The following GRID2IP variants were observed in gnomAD, a reference collection of about 807,000 sequenced individuals.
GRID2IP encodes the protein Grid2 interacting protein, also known as delphilin.
Under a neutral mutation model 114.3 loss-of-function variants are expected in GRID2IP, and 78 were observed. That is an observed-to-expected ratio of 0.68 (90% CI 0.57 to 0.82). GRID2IP has a LOEUF of 0.82. GRID2IP is among the 40% of genes least tolerant of loss of function. The pLI, the probability that GRID2IP is intolerant of heterozygous loss-of-function variation, is 0.00. For synonymous variants in GRID2IP, 809 were observed against 724.0 expected, an observed-to-expected ratio of 1.12 and a Z score of -1.89; for missense variants, 1,727 against 1,678.5, an observed-to-expected ratio of 1.03 and a Z score of -0.51.
chr7:6,526,327 G>C lies in GRID2IP; in HGVS notation c.834-18C>G, dbSNP rs774592354. Reference sequence around the variant, plus strand: ...GGACAGTCCTGGGGGAAAAAGAAGGGGCGAGCAGCATGATGGAGAGGGGGC... The same window carrying C: ...GGACAGTCCTGGGGGAAAAAGAAGGCGCGAGCAGCATGATGGAGAGGGGGC... On this transcript the variant is annotated intron_variant, in intron 3 of 21. Coordinates refer to ENST00000457091, the MANE Select transcript of GRID2IP (RefSeq NM_001145118.2). The surrounding 1 kb of genome is among the most constrained non-coding windows in gnomAD (Gnocchi z 7.6). The C allele has an allele frequency of 3.9e-6, 6 of 1,549,900 alleles. No homozygotes were observed. The South Asian group carries it at 5.9e-5, about 15-fold the overall frequency.
intron 8 of GRID2IP, among the ~76,000 whole-genome samples, chr7:6,512,678 T>C (rs978026294): frequency 1.3e-5 from 2 of 151,972 alleles, no homozygotes; most frequent in African/African-American, 4.8e-5. Flanking sequence ...ACCTGGCTTA[T>C]TTTTGTATTT....
Position 6,536,150 on chromosome 7 carries a change from C to T in GRID2IP, c.584+3568G>A, listed in dbSNP as rs574147215. ...CACTATGGGGCCATGGGTGACTGGC[C>T]AGCCCTGGGGAGGGGGTTGTTGGGA... is the stretch of plus-strand genomic sequence containing the variant. On this transcript the variant is annotated intron_variant, in intron 2 of 21. Transcript: ENST00000457091. The surrounding 1 kb of genome is among the most constrained non-coding windows in gnomAD (Gnocchi z 5.3). Among the ~76,000 whole-genome samples the T allele has an allele frequency of 2.4e-4, 37 of 152,294 alleles. No individual in the cohort carries two copies. The highest frequency in any genetic ancestry group is 8.7e-4 in the African/African-American group (36 of 41,566).
chr7:6,498,023 A>G, intron 21 of GRID2IP, 41 bp downstream of exon 21: 1 of 1,495,862 alleles, frequency 6.7e-7, no homozygotes, highest in South Asian at 1.3e-5. Flanking sequence ...TCTGGCCCCC[A>G]CCTCTCCAAA....
chr7:6,542,141 A>C (rs953918474), intron 1 of GRID2IP, among the ~76,000 whole-genome samples: 4 of 151,858 alleles, frequency 2.6e-5, no homozygotes, highest in African/African-American at 9.7e-5. Flanking sequence ...GTCTCTACTA[A>C]AAATACAAAA....
Position 6,508,541 on chromosome 7 carries a change from C to G in GRID2IP, c.2128-140G>C, listed in dbSNP as rs1205969605. ...GTTAGCCTCAGGCTGTGAGGGACAC[C>G]TGGGCTAAGGATAGGACTGTCTCAC... On this transcript the variant is annotated intron_variant, in intron 12 of 21. Coordinates refer to ENST00000457091, the MANE Select transcript of GRID2IP (RefSeq NM_001145118.2). This position sits in a 1 kb window ranked among gnomAD's most constrained non-coding sequence, Gnocchi z 5.6. 1.4e-6 allele frequency: 2 copies of G among 1,387,742 alleles called. No homozygotes were observed. The highest frequency in any genetic ancestry group is 1.9e-6 in the Non-Finnish European group (2 of 1,033,594). 86.0% of individuals were successfully genotyped at this position (1,387,742 alleles called of 1,614,324 possible). A position where few individuals can be genotyped will look rare whatever the true frequency, so the allele number is the denominator to read the frequency against.
At chr7:6,510,740 C>G (rs1442941022) in intron 9 of GRID2IP, 34 bp from the exon 10 acceptor site, 16 of 1,534,780 alleles carry the variant, frequency 1.0e-5, no homozygotes, top group Non-Finnish European at 1.3e-5. Context: ...CGTATCTGAG[C>G]TCTACGGCTC....
In GRID2IP at chr7:6,509,044, G is replaced by C; in HGVS notation, c.2041C>G (p.Arg681Gly). ...SHPVRSRDTD[R>G]FLDVLSEQLG... is the part of the protein sequence containing the mutation. The stretch of plus-strand genomic sequence containing the variant: ...TGCTCGCTCAGCACGTCCAGGAAGC[G>C]GTCAGTATCGCGGCTTCGCACAGGG... Residue 681 changes from arginine (R) to glycine (G), a missense_variant, in exon 12 of 22, where the codon CGC (arginine) becomes GGC (glycine). Coordinates refer to ENST00000457091, the MANE Select transcript of GRID2IP (RefSeq NM_001145118.2). This position sits in a 1 kb window ranked among gnomAD's most constrained non-coding sequence, Gnocchi z 4.9. 6.5e-7 allele frequency: 1 copy of C among 1,544,260 alleles called. No individual in the cohort carries two copies. The highest frequency in any genetic ancestry group is 1.2e-5 in the South Asian group (1 of 83,718).
At position 6,501,833 on chromosome 7, in the gene GRID2IP, G is replaced by A. The variant is rs1205116715; in HGVS notation, c.3347C>T (p.Ala1116Val). The A allele has an allele frequency of 1.9e-6, 3 of 1,551,514 alleles. No homozygotes were observed. Among genetic ancestry groups the A allele is most frequent in the Non-Finnish European group, 2.6e-6 (3 of 1,146,972 alleles). The stretch of plus-strand genomic sequence containing the variant: ...GCTAGAGGGGGAAATGCTCTGGCAG[G>A]CATCCTGTATCTCGCTGATAGTGCC... ...LHGTISEIQD[A>V]CQSISPSSED... The change falls in exon 20 of 22, where the codon GCC becomes GTC. Residue 1116 changes from alanine to valine, a missense_variant. Coordinates refer to ENST00000457091, the MANE Select transcript of GRID2IP (RefSeq NM_001145118.2).
Position 6,516,924 on chromosome 7 carries a change from G to T in GRID2IP, c.1269-2395C>A, listed in dbSNP as rs1285082785. 6.6e-6 allele frequency among the ~76,000 whole-genome samples: 1 copy of T among 151,920 alleles called. No individual in the cohort carries two copies. The highest frequency in any genetic ancestry group is 1.5e-5 in the Non-Finnish European group (1 of 68,002). ...GGAGATGACTCTCACTCCATACCCTGCCCCTTTGCCTTGTACACAATAAAT... is the reference window on the plus strand; with the variant it reads ...GGAGATGACTCTCACTCCATACCCTTCCCCTTTGCCTTGTACACAATAAAT... On this transcript the variant is annotated intron_variant, in intron 7 of 21. Coordinates refer to ENST00000457091, the MANE Select transcript of GRID2IP (RefSeq NM_001145118.2). The surrounding 1 kb of genome is among the most constrained non-coding windows in gnomAD (Gnocchi z 4.3).
chr7:6,518,519 C>T (rs1779354631), intron 7 of GRID2IP, among the ~76,000 whole-genome samples: 1 of 152,016 alleles, frequency 6.6e-6, no homozygotes, highest in Non-Finnish European at 1.5e-5. Flanking sequence ...GGGCAGATCA[C>T]GAGGTCAAGA....
At chr7:6,535,613 C>T (rs1779711763) in intron 2 of GRID2IP, among the ~76,000 whole-genome samples, 1 of 152,206 alleles carries the variant, frequency 6.6e-6, no homozygotes, top group South Asian at 2.1e-4. Context: ...CACCTGTAAT[C>T]CCAGCACTTT....
chr7:6,550,814 C>T (rs1182001472), intron 1 of GRID2IP, among the ~76,000 whole-genome samples, 194 bp downstream of exon 1: 8 of 151,228 alleles, frequency 5.3e-5, no homozygotes, highest in Admixed American at 3.3e-4. Flanking sequence ...GGTGACAGAG[C>T]GAGACTCTGT....
At position 6,520,278 on chromosome 7, in the gene GRID2IP, G is replaced by A. The variant is rs565577962; in HGVS notation, c.1268+300C>T. Among the ~76,000 whole-genome samples, 74 of 149,200 alleles carry A rather than the reference G, an allele frequency of 5.0e-4. No homozygotes were observed. The highest frequency in any genetic ancestry group is 8.4e-4 in the Non-Finnish European group (57 of 67,912). On this transcript the variant is annotated intron_variant, in intron 7 of 21. Coordinates refer to ENST00000457091, the MANE Select transcript of GRID2IP (RefSeq NM_001145118.2). The surrounding 1 kb of genome is among the most constrained non-coding windows in gnomAD (Gnocchi z 4.6). ...TTGCACTCCAGCTGGGTGATAGAGC[G>A]AGACTCCATCTCAAAAAAAAAAAAT...
chr7:6,541,757 G>A (rs534106753), intron 1 of GRID2IP, among the ~76,000 whole-genome samples: 1 of 152,266 alleles, frequency 6.6e-6, no homozygotes, highest in African/African-American at 2.4e-5. Flanking sequence ...CACGTTTCTG[G>A]AAGGCAGGTT....
At chr7:6,510,542 C>G in intron 10 of GRID2IP, 67 bp downstream of exon 10, 5 of 1,365,354 alleles carry the variant, frequency 3.7e-6, no homozygotes, top group Non-Finnish European at 4.9e-6. Context: ...TCTCCTGGGC[C>G]CAGTCCTATG....
chr7:6,530,876 G>A (rs991246774), intron 2 of GRID2IP, among the ~76,000 whole-genome samples: 2 of 152,238 alleles, frequency 1.3e-5, no homozygotes, highest in African/African-American at 4.8e-5. Flanking sequence ...AGACCTCGCC[G>A]CCCCGGTACC....
Position 6,526,392 on chromosome 7 carries a change from C to T in GRID2IP, c.834-83G>A. 1 of 1,507,712 alleles carries T rather than the reference C, an allele frequency of 6.6e-7. No individual in the cohort carries two copies. The highest frequency in any genetic ancestry group is 9.0e-7 in the Non-Finnish European group (1 of 1,113,728). 93.4% of individuals were successfully genotyped at this position (1,507,712 alleles called of 1,614,324 possible). ...GTTGGAGATGTCCCGTGTCCCTCTC[C>T]CCTTAACCTCTCCGGCCCCCTATGC... On this transcript the variant is annotated intron_variant, in intron 3 of 21. Coordinates refer to ENST00000457091, the MANE Select transcript of GRID2IP (RefSeq NM_001145118.2). This position sits in a 1 kb window ranked among gnomAD's most constrained non-coding sequence, Gnocchi z 7.6.
At chr7:6,544,349 G>C (rs1204931772) in intron 1 of GRID2IP, among the ~76,000 whole-genome samples, 2 of 151,540 alleles carry the variant, frequency 1.3e-5, no homozygotes, top group South Asian at 4.2e-4. Flanking sequence ...GCATGATCTC[G>C]GCTCATTGCA....
Position 6,503,610 on chromosome 7 carries a change from C to T in GRID2IP, c.2788G>A (p.Glu930Lys). 1 of 1,529,130 alleles carries T rather than the reference C, an allele frequency of 6.5e-7. No individual in the cohort carries two copies. The highest frequency in any genetic ancestry group is 8.7e-7 in the Non-Finnish European group (1 of 1,144,372). 94.7% of individuals were successfully genotyped at this position (1,529,130 alleles called of 1,614,324 possible). Residue 930 changes from glutamate (E) to lysine (K), a missense_variant, in exon 16 of 22, where the codon GAG becomes AAG. Coordinates refer to ENST00000457091, the MANE Select transcript of GRID2IP (RefSeq NM_001145118.2). Reference protein sequence around the residue: ...VLMSMEPRRLEPAHLAQLLLF... With the variant: ...VLMSMEPRRLKPAHLAQLLLF... ...AGCAGCTGCGCGAGATGTGCGGGCT[C>T]CAGGCGCCGGGGCTCCATGCTCATC... is the stretch of plus-strand genomic sequence containing the variant.
Sources: allele counts gnomAD v4.1 joint callset (sites outside exome capture counted in the v4.1 genomes callset), GRCh38; gene constraint gnomAD v4.1.1; non-coding constraint Gnocchi (gnomAD v3.1); transcripts MANE v1.5; gene names NCBI Gene and HGNC (gene_info 2026-07-23, HGNC 2026-07-21).